Variants in TTC7B observed in about 807,000 individuals in gnomAD.
TTC7B encodes tetratricopeptide repeat protein 7B.
TTC7B carries 28 observed loss-of-function variants against 106.8 expected under a neutral mutation model. The observed-to-expected ratio is 0.26, with a 90% CI of 0.19 to 0.36. The LOEUF is 0.36. TTC7B is among the 10% of genes least tolerant of loss of function. The probability of loss-of-function intolerance (pLI) is 1.00; values close to 1 mark genes in which losing one functional copy is unlikely to be tolerated. For missense variants in TTC7B, 862 were observed against 1,076.4 expected (o/e 0.80, Z 2.79); for synonymous variants, 405 against 430.6 (o/e 0.94, Z 0.74).
intron 4 of TTC7B, among the ~76,000 whole-genome samples, chr14:90,733,477 A>G (rs1480829816): frequency 6.6e-6 from 1 of 152,224 alleles, no homozygotes; most frequent in Non-Finnish European, 1.5e-5. Flanking sequence ...GAAGCCTTGG[A>G]GGGACTAGCA....
intron 5 of TTC7B, among the ~76,000 whole-genome samples, chr14:90,727,967 G>A (rs988528832): frequency 6.6e-6 from 1 of 152,198 alleles, no homozygotes; most frequent in African/African-American, 2.4e-5. Flanking sequence ...AGTGACAAAT[G>A]AGCCCTGGCT....
rs187864189 is a variant in TTC7B, at chr14:90,802,277, C to T, written c.121+13898G>A. On this transcript the variant is annotated intron_variant, in intron 1 of 19. Transcript: ENST00000328459. The surrounding 1 kb of genome is among the most constrained non-coding windows in gnomAD (Gnocchi z 4.7). ...GGGGGCTGGGCCAGTCCTTAGACAG[C>T]GATGGGGGTTCAGGGAGCCTTTAGC... Among the ~76,000 whole-genome samples, 7 of 152,104 alleles carry T rather than the reference C, an allele frequency of 4.6e-5. No homozygotes were observed. The highest frequency in any genetic ancestry group is 3.9e-4 in the East Asian group (2 of 5,172).
chr14:90,773,227 C>T (rs368860814), intron 3 of TTC7B, among the ~76,000 whole-genome samples: 28 of 152,342 alleles, frequency 1.8e-4, no homozygotes, highest in Admixed American at 4.6e-4. Context: ...CTTATTTAGT[C>T]TTCTCAGTAC....
At chr14:90,552,764 C>T (rs1417100620) in intron 19 of TTC7B, among the ~76,000 whole-genome samples, 1 of 152,206 alleles carries the variant, frequency 6.6e-6, no homozygotes, top group Admixed American at 6.5e-5. Context: ...GGGAGCCTGG[C>T]CCCCAGGCCG....
chr14:90,615,484 A>G (rs1437956713), intron 16 of TTC7B, among the ~76,000 whole-genome samples: 2 of 152,218 alleles, frequency 1.3e-5, no homozygotes, highest in Non-Finnish European at 2.9e-5. Flanking sequence ...CTTTCTGCTC[A>G]GTTTTCATTT....
rs1890437971 is a variant in TTC7B, at chr14:90,759,780, G to C, written c.446-14858C>G. Among the ~76,000 whole-genome samples, 1 of 152,218 alleles carries C rather than the reference G, an allele frequency of 6.6e-6. No homozygotes were observed. The highest frequency in any genetic ancestry group is 2.1e-4 in the South Asian group (1 of 4,830). On this transcript the variant is annotated intron_variant, in intron 3 of 19. Transcript: ENST00000328459. This position sits in a 1 kb window ranked among gnomAD's most constrained non-coding sequence, Gnocchi z 4.1. ...GTTTGCCCTTTTGCTTAGGCACCTT[G>C]TGTGTTATTCAGCTAGAGTTTATCT... is the stretch of plus-strand genomic sequence containing the variant.
rs1252979240 is a variant in TTC7B, at chr14:90,570,806, C to G, written c.2310+7300G>C. On this transcript the variant is annotated intron_variant, in intron 19 of 19. Coordinates refer to ENST00000328459, the MANE Select transcript of TTC7B (RefSeq NM_001010854.2). The surrounding 1 kb of genome is among the most constrained non-coding windows in gnomAD (Gnocchi z 4.0). ...GAGGCACCCTGCTAACTCATTTAAC[C>G]CGCACAGCAACACCACCGGGCACTG... 2.0e-5 allele frequency among the ~76,000 whole-genome samples: 3 copies of G among 152,150 alleles called. No individual in the cohort carries two copies. The highest frequency in any genetic ancestry group is 7.2e-5 in the African/African-American group (3 of 41,430).
At chr14:90,812,891 C>T (rs1280848944) in intron 1 of TTC7B, among the ~76,000 whole-genome samples, 1 of 151,676 alleles carries the variant, frequency 6.6e-6, no homozygotes, top group Non-Finnish European at 1.5e-5. Flanking sequence ...TGAAAGTGTC[C>T]ACTATTTAGA....
In TTC7B at chr14:90,578,837, G is replaced by A. The variant is rs536400387; in HGVS notation, c.2108-529C>T. Among the ~76,000 whole-genome samples, 24 of 152,182 alleles carry A rather than the reference G, an allele frequency of 1.6e-4. No homozygotes were observed. Among genetic ancestry groups the A allele is most frequent in the South Asian group, 2.1e-4 (1 of 4,820 alleles). On this transcript the variant is annotated intron_variant, in intron 18 of 19. Transcript: ENST00000328459. The surrounding 1 kb of genome is among the most constrained non-coding windows in gnomAD (Gnocchi z 4.7). Reference sequence around the variant, plus strand: ...AGGCGTGATGCAAGATGGCTGCCCCGCCACACCTGGCCCCTGAGCTCACCT... The same window carrying A: ...AGGCGTGATGCAAGATGGCTGCCCCACCACACCTGGCCCCTGAGCTCACCT...
chr14:90,605,493 A>G (rs1203417212), intron 17 of TTC7B: 3 of 973,572 alleles, frequency 3.1e-6, no homozygotes. Context: ...TCTCTCTGAC[A>G]AGTCTGATGA....
Position 90,546,071 on chromosome 14 carries a change from G to A in TTC7B, c.2311-4482C>T, listed in dbSNP as rs560000036. Among the ~76,000 whole-genome samples, 6 of 152,304 alleles carry A rather than the reference G, an allele frequency of 3.9e-5. No individual in the cohort carries two copies. In the South Asian group the frequency reaches 1.2e-3, roughly 32 times the overall value. On this transcript the variant is annotated intron_variant, in intron 19 of 19. Transcript: ENST00000328459. The stretch of plus-strand genomic sequence containing the variant: ...GGCTTGGCACAGGAATGAAAAATAG[G>A]CCTCTCCCCAGTGAGCCAGGAGCAG...
chr14:90,606,952 A>G (rs1472352070), intron 17 of TTC7B, among the ~76,000 whole-genome samples: 1 of 152,196 alleles, frequency 6.6e-6, no homozygotes, highest in Non-Finnish European at 1.5e-5. Context: ...TTGTAGTTAT[A>G]TATTTTTAAG....
chr14:90,756,372 C>CTCTTTTTTTTG (rs1477032825), intron 3 of TTC7B, among the ~76,000 whole-genome samples: 1 of 139,760 alleles, frequency 7.2e-6, no homozygotes, highest in Admixed American at 7.3e-5. Flanking sequence ...TTATTTTCTT[C>CTCTTTTTTTTG]TTTTTTTTTT....
chr14:90,763,457 G>A (rs928711776), intron 3 of TTC7B, among the ~76,000 whole-genome samples: 3 of 152,082 alleles, frequency 2.0e-5, no homozygotes, highest in African/African-American at 7.2e-5. Context: ...CTAAAATAAG[G>A]ATGTCCACTC....
Position 90,657,097 on chromosome 14 carries a change from T to C in TTC7B, c.1341+77A>G. On this transcript the variant is annotated intron_variant, in intron 11 of 19. Transcript: ENST00000328459. The surrounding 1 kb of genome is among the most constrained non-coding windows in gnomAD (Gnocchi z 4.2). Reference sequence around the variant, plus strand: ...ATGAATCACCCTCGCTTTCTCTCTGTGCCTCGACATGAAAAAAATGGGCAG... The same window carrying C: ...ATGAATCACCCTCGCTTTCTCTCTGCGCCTCGACATGAAAAAAATGGGCAG... 8.2e-7 allele frequency: 1 copy of C among 1,226,784 alleles called. No homozygotes were observed. Among genetic ancestry groups the C allele is most frequent in the Non-Finnish European group, 1.2e-6 (1 of 849,124 alleles). The allele number at this position is 1,226,784 out of a possible 1,614,324, so 76.0% of individuals were successfully genotyped here.
At chr14:90,776,140 G>GACACACACACACACACACACACAC (rs370873395) in intron 3 of TTC7B, among the ~76,000 whole-genome samples, 43 of 140,380 alleles carry the variant, frequency 3.1e-4, no homozygotes, top group East Asian at 1.9e-3. Context: ...GGCCCCCCGT[G>GACACACACACACACACACACACAC]ACACACACAC....
chr14:90,653,024 C>T, intron 12 of TTC7B, 126 bp from the exon 13 acceptor site: 5 of 938,624 alleles, frequency 5.3e-6, no homozygotes, highest in Non-Finnish European at 8.6e-6. Flanking sequence ...CCTACGTGCC[C>T]AGTCCTGCAC....
chr14:90,770,680 C>A (rs1465869309), intron 3 of TTC7B, among the ~76,000 whole-genome samples: 4 of 151,352 alleles, frequency 2.6e-5, no homozygotes, highest in African/African-American at 9.7e-5. Flanking sequence ...AACAACCAGA[C>A]AGAAGTAAGG....
Position 90,647,022 on chromosome 14 carries a change from C to T in TTC7B, c.1519G>A (p.Ala507Thr). 6.2e-7 allele frequency: 1 copy of T among 1,614,070 alleles called. No homozygotes were observed. The highest frequency in any genetic ancestry group is 8.5e-7 in the Non-Finnish European group (1 of 1,179,972). The change falls in exon 14 of 20, where the codon GCC (alanine) becomes ACC (threonine). Residue 507 changes from alanine to threonine, a missense_variant and splice_region_variant. Coordinates refer to ENST00000328459, the MANE Select transcript of TTC7B (RefSeq NM_001010854.2). ...QRKALLAFQR[A>T]HSLSPTDHQA... ...TGATCTGTGGGTGACAGGCTGTGGG[C>T]CCTGAAAAAGTATTTACGGCTATTA... is the stretch of plus-strand genomic sequence containing the variant.
Sources: gnomAD v4.1 joint callset for allele counts (sites outside exome capture counted in the v4.1 genomes callset) on GRCh38, gnomAD v4.1.1 for gene constraint, Gnocchi (gnomAD v3.1) non-coding constraint, MANE v1.5 for transcripts, NCBI Gene and HGNC (gene_info 2026-07-23, HGNC 2026-07-21) for gene names.